Variants in RARB observed in about 807,000 individuals in gnomAD.
RARB encodes the protein retinoic acid receptor beta.
Under a neutral mutation model 51.9 loss-of-function variants are expected in RARB, and 17 were observed. The ratio of observed to expected loss-of-function variants is 0.33; its 90% CI spans 0.22 to 0.49. The LOEUF (loss-of-function observed/expected upper bound fraction) is 0.49, where lower values mean the gene tolerates loss of function less well. RARB is among the 20% of genes least tolerant of loss of function. The pLI is 0.99. For synonymous variants in RARB, 215 were observed against 195.4 expected (o/e 1.10, Z -0.84); for missense variants, 369 against 550.8 (o/e 0.67, Z 3.30).
chr3:25,055,876 A>G (rs1406393765), intron 2 of RARB, among the ~76,000 whole-genome samples: 1 of 152,090 alleles, frequency 6.6e-6, no homozygotes, highest in East Asian at 1.9e-4. Context: ...GTGAAAGTAC[A>G]TGGGGAGCTG....
At chr3:25,575,482 A>AAATC (rs1276723104) in intron 4 of RARB, among the ~76,000 whole-genome samples, 1 of 152,200 alleles carries the variant, frequency 6.6e-6, no homozygotes, top group Non-Finnish European at 1.5e-5. Context: ...TAGAAGTCCA[A>AAATC]AATCAAGGTG....
chr3:25,485,910 C>CTCACACTGG (rs1379010522), intron 2 of RARB, among the ~76,000 whole-genome samples: 1 of 152,284 alleles, frequency 6.6e-6, no homozygotes, highest in East Asian at 1.9e-4. Context: ...CAATTTGAAG[C>CTCACACTGG]TCACACTGGT....
At chr3:25,568,957 C>T (rs959746432) in intron 3 of RARB, among the ~76,000 whole-genome samples, 1 of 152,250 alleles carries the variant, frequency 6.6e-6, no homozygotes, top group African/African-American at 2.4e-5. Context: ...CAGGAGGAAG[C>T]ACGGGCTTCC....
chr3:25,108,404 G>A (rs867079064), intron 3 of RARB, among the ~76,000 whole-genome samples: 3 of 152,218 alleles, frequency 2.0e-5, no homozygotes, highest in Non-Finnish European at 2.9e-5. Flanking sequence ...TCAGCTATCC[G>A]GGCTTTTTCC....
chr3:25,382,793 G>T (rs1405042914), intron 5 of RARB, among the ~76,000 whole-genome samples: 2 of 152,188 alleles, frequency 1.3e-5, no homozygotes, highest in Non-Finnish European at 2.9e-5. Context: ...TGGAGGCAGA[G>T]GTTGCAGTGA....
intron 3 of RARB, among the ~76,000 whole-genome samples, chr3:25,518,134 G>GA (rs1553626923): frequency 5.3e-5 from 8 of 152,144 alleles, no homozygotes; most frequent in Non-Finnish European, 4.4e-5. Context: ...CATTTGAATT[G>GA]TATCTTAATT....
chr3:25,281,008 T>C (rs959217230), intron 5 of RARB, among the ~76,000 whole-genome samples: 1 of 152,202 alleles, frequency 6.6e-6, no homozygotes, highest in African/African-American at 2.4e-5. Flanking sequence ...ACACATACTT[T>C]TGTCAAAGTC....
chr3:24,967,446 T>C (rs1305392592), intron 2 of RARB, among the ~76,000 whole-genome samples: 1 of 151,834 alleles, frequency 6.6e-6, no homozygotes, highest in Admixed American at 6.6e-5. Flanking sequence ...TCAACTCAGA[T>C]GGTCAACTTC....
At chr3:25,301,242 A>G (rs1199213900) in intron 5 of RARB, among the ~76,000 whole-genome samples, 2 of 152,168 alleles carry the variant, frequency 1.3e-5, no homozygotes, top group African/African-American at 2.4e-5. Context: ...GTGGAGGTGC[A>G]TCTGTACTAC....
At chr3:25,093,542 G>A (rs1404556854) in intron 3 of RARB, among the ~76,000 whole-genome samples, 2 of 152,056 alleles carry the variant, frequency 1.3e-5, no homozygotes, top group Non-Finnish European at 2.9e-5. Context: ...GAGACCACCA[G>A]GCTAGGAAGA....
chr3:25,438,027 C>G (rs555263212), intron 1 of RARB, among the ~76,000 whole-genome samples: 1 of 152,336 alleles, frequency 6.6e-6, no homozygotes, highest in East Asian at 1.9e-4. Context: ...TGGGCAGACC[C>G]TCTGCTCCGC....
chr3:24,860,569 G>T (rs2125341563), intron 2 of RARB, among the ~76,000 whole-genome samples: 1 of 152,210 alleles, frequency 6.6e-6, no homozygotes, highest in Non-Finnish European at 1.5e-5. Context: ...ATCCACTGCT[G>T]CTCCCTCTTA....
intron 5 of RARB, among the ~76,000 whole-genome samples, chr3:25,398,677 G>A (rs1008572041): frequency 1.3e-5 from 2 of 152,094 alleles, no homozygotes; most frequent in African/African-American, 4.8e-5. Flanking sequence ...CAACCAGGTG[G>A]GTTCCAGAAG....
chr3:24,898,603 A>G (rs548563703), intron 2 of RARB, among the ~76,000 whole-genome samples: 16 of 152,250 alleles, frequency 1.1e-4, no homozygotes, highest in African/African-American at 3.8e-4. Context: ...TTATTTTGGT[A>G]AGGATTTGGG....
chr3:25,368,723 C>A (rs1432895734), intron 5 of RARB, among the ~76,000 whole-genome samples: 2 of 152,132 alleles, frequency 1.3e-5, no homozygotes, highest in Non-Finnish European at 1.5e-5. Context: ...CAGGTGTGTC[C>A]ATTACATCTA....
chr3:25,069,602 A>G (rs1698729187), intron 3 of RARB, among the ~76,000 whole-genome samples: 1 of 152,178 alleles, frequency 6.6e-6, no homozygotes. Flanking sequence ...ACCTGGATGT[A>G]AAGGCAAGAA....
At chr3:24,989,774 CTTTTTTTTTTTTTTTTTTTTTTTT>C (rs769275874) in intron 2 of RARB, among the ~76,000 whole-genome samples, 1 of 29,532 alleles carries the variant, frequency 3.4e-5, no homozygotes, top group Non-Finnish European at 6.2e-5. Context: ...ATATGTTTTT[CTTTTTTTTTTTTTTTTTTTTTTTT>C]TTTTTTTTTT....
At chr3:24,982,301 C>A (rs901060560) in intron 2 of RARB, among the ~76,000 whole-genome samples, 7 of 152,188 alleles carry the variant, frequency 4.6e-5, no homozygotes, top group African/African-American at 1.7e-4. Context: ...CATGGTTGCT[C>A]CTTCCAGCCT....
Position 25,410,842 on chromosome 3 carries a change from C to T in RARB, c.179-50351C>T, listed in dbSNP as rs75444837. On this transcript the variant is annotated intron_variant, in intron 5 of 11. Coordinates refer to the RARB transcript ENST00000383772. ...CCTCTCCCCTCCTTCCCTCCCAATT[C>T]CTGCTCGCTGCCCCAACCCCTGCTC... is the stretch of plus-strand genomic sequence containing the variant. Among the ~76,000 whole-genome samples, 348 of 152,346 alleles carry T rather than the reference C, an allele frequency of 2.3e-3. 10 individuals are homozygous for T. The East Asian group carries it at 0.024, about 11-fold the overall frequency.
Sources: gnomAD v4.1 joint callset for allele counts (sites outside exome capture counted in the v4.1 genomes callset) on GRCh38, gnomAD v4.1.1 for gene constraint, MANE v1.5 for transcripts, NCBI Gene and HGNC (gene_info 2026-07-23, HGNC 2026-07-21) for gene names.